The following SPDYE3 variants were observed in gnomAD, a reference collection of about 807,000 sequenced individuals.
The protein encoded by SPDYE3 is speedy/RINGO cell cycle regulator family member E3.
SPDYE3 carries 15 observed loss-of-function variants against 55.0 expected under a neutral mutation model. The ratio of observed to expected loss-of-function variants is 0.27; its 90% confidence interval spans 0.18 to 0.42. The LOEUF (loss-of-function observed/expected upper bound fraction) is 0.42. Ranked by LOEUF, SPDYE3 falls within the 10% of genes least tolerant of loss-of-function variation. The pLI is 1.00. For synonymous variants in SPDYE3, 89 were observed against 229.9 expected, an observed-to-expected ratio of 0.39 and a Z score of 5.55; for missense variants, 236 against 576.7, an observed-to-expected ratio of 0.41 and a Z score of 6.05.
At chr7:100,316,190 C>T (rs1322110095) in intron 7 of SPDYE3, among the ~76,000 whole-genome samples, 1 of 152,086 alleles carries the variant, frequency 6.6e-6, no homozygotes, top group Non-Finnish European at 1.5e-5. Context: ...AGATTGGTCC[C>T]GAACACCTGA....
Position 100,315,883 on chromosome 7 carries a change from G to A in SPDYE3, c.1260+40G>A, listed in dbSNP as rs577952816. On this transcript the variant is annotated intron_variant, in intron 7 of 10. Transcript: ENST00000332397. ...TATGTAACTGTGTTCCTGTTCTAAC[G>A]CACGGCCAGGGGGAGGGCGCAGCTT... The A allele has an allele frequency of 3.1e-5, 49 of 1,598,220 alleles. No homozygotes were observed. The East Asian group carries it at 5.8e-4, about 19-fold the overall frequency.
At chr7:100,319,412 G>C (rs1475033461) in intron 8 of SPDYE3, among the ~76,000 whole-genome samples, 153 bp from the exon 9 acceptor site, 1 of 152,170 alleles carries the variant, frequency 6.6e-6, no homozygotes, top group African/African-American at 2.4e-5. Context: ...TCTCTGTCCA[G>C]CAGAGCCCTC....
In SPDYE3 at chr7:100,321,057, G is replaced by A. The variant is rs1585002484; in HGVS notation, c.*212G>A. 9 of 938,798 alleles carry A rather than the reference G, an allele frequency of 9.6e-6. No individual in the cohort carries two copies. The highest frequency in any genetic ancestry group is 1.4e-5 in the Non-Finnish European group (9 of 645,276). 58.2% of individuals were successfully genotyped at this position (938,798 alleles called of 1,614,324 possible). On this transcript the variant is annotated 3_prime_UTR_variant, in exon 11 of 11. Transcript: ENST00000332397. ...TGATCACGTTGTCCTCCAAGGAGCAGGGGTGGGGTGGGGTACTTCTAGGAG... is the reference window on the plus strand; with the variant it reads ...TGATCACGTTGTCCTCCAAGGAGCAAGGGTGGGGTGGGGTACTTCTAGGAG...
chr7:100,315,767 T>G lies in SPDYE3; in HGVS notation c.1202-18T>G. Reference sequence around the variant, plus strand: ...CCCTGTCCTGCTTCTCACGCTGACATCTGCTCTCTAATCACAGAGGATCCT... The same window carrying G: ...CCCTGTCCTGCTTCTCACGCTGACAGCTGCTCTCTAATCACAGAGGATCCT... On this transcript the variant is annotated intron_variant, in intron 6 of 10. Coordinates refer to ENST00000332397, the MANE Select transcript of SPDYE3 (RefSeq NM_001004351.5). The G allele has an allele frequency of 6.3e-7, 1 of 1,598,410 alleles. No individual in the cohort carries two copies. Among genetic ancestry groups the G allele is most frequent in the Non-Finnish European group, 8.5e-7 (1 of 1,179,720 alleles).
rs1211047563 is a variant in SPDYE3, at chr7:100,312,496, CAA to C, written c.763+546_763+547del. ...TGGGTGAGAGAGTGAGACGCTGTCT[CAA>C]AAAAAAAAAAAAAAAAAGAAGAAGA... On this transcript the variant is annotated intron_variant, in intron 4 of 10. Transcript: ENST00000332397. Among the ~76,000 whole-genome samples the C allele has an allele frequency of 3.3e-4, 18 of 54,444 alleles. 1 individual carries two copies. The highest frequency in any genetic ancestry group is 2.1e-4 in the Non-Finnish European group (6 of 28,118). 35.7% of individuals were successfully genotyped at this position (54,444 alleles called of 152,430 possible). A position where few individuals can be genotyped will look rare whatever the true frequency, so the allele number is the denominator to read the frequency against.
In SPDYE3 at chr7:100,315,637, G is replaced by A. The variant is rs550306241; in HGVS notation, c.1202-148G>A. ...CAGGAGCCTCTCTCCCTTGCCCAGT[G>A]AAAGTCATTCTCCCCTCTCCCATCC... On this transcript the variant is annotated intron_variant, in intron 6 of 10. Transcript: ENST00000332397. 4.5e-4 allele frequency: 558 copies of A among 1,251,878 alleles called. No homozygotes were observed. The East Asian group carries it at 0.012, about 28-fold the overall frequency. The allele number at this position is 1,251,878 out of a possible 1,614,324, so 77.5% of individuals were successfully genotyped here. A position where few individuals can be genotyped will look rare whatever the true frequency, so the allele number is the denominator to read the frequency against.
In SPDYE3 at chr7:100,309,156, C is replaced by T; in HGVS notation, c.289C>T (p.Leu97Phe). 2.1e-6 allele frequency: 1 copy of T among 479,798 alleles called. No individual in the cohort carries two copies. Among genetic ancestry groups the T allele is most frequent in the Admixed American group, 4.5e-5 (1 of 22,182 alleles). The allele number at this position is 479,798 out of a possible 1,614,324, so 29.7% of individuals were successfully genotyped here. ...KAKRRRVSLV[L>F]PEYYEAFNRL... ...GAAGCGACGGCGAGTGTCGCTCGTGCTCCCTGAGTACTACGAGGCCTTCAA... is the reference window on the plus strand; with the variant it reads ...GAAGCGACGGCGAGTGTCGCTCGTGTTCCCTGAGTACTACGAGGCCTTCAA... The change falls in exon 2 of 11, where the codon CTC (leucine) becomes TTC (phenylalanine). Residue 97 changes from leucine (L) to phenylalanine (F), a missense_variant. By Grantham distance (22) the Leu-to-Phe change is conservative. Coordinates refer to ENST00000332397, the MANE Select transcript of SPDYE3 (RefSeq NM_001004351.5).
intron 5 of SPDYE3, among the ~76,000 whole-genome samples, chr7:100,313,836 G>A (rs1294159324): frequency 1.2e-4 from 3 of 26,044 alleles, no homozygotes; most frequent in African/African-American, 1.6e-4. Flanking sequence ...GCAGTGAGCC[G>A]AGATCGTGCT....
At chr7:100,315,549 C>A (rs1806083046) in intron 6 of SPDYE3, among the ~76,000 whole-genome samples, 1 of 152,124 alleles carries the variant, frequency 6.6e-6, no homozygotes, top group South Asian at 2.1e-4. Flanking sequence ...ATTCCCAGCT[C>A]TACATCCTGT....
rs697499 is a variant in SPDYE3, at chr7:100,310,143, C to G, written c.326-217C>G. On this transcript the variant is annotated intron_variant, in intron 2 of 10. Transcript: ENST00000332397. ...CCTCAGAGAGCCAGGGACCAGGGAACGATATGACGCAGTGTTCTGAGGACA... is the reference window on the plus strand; with the variant it reads ...CCTCAGAGAGCCAGGGACCAGGGAAGGATATGACGCAGTGTTCTGAGGACA... Among the ~76,000 whole-genome samples, 42 of 136,974 alleles carry G rather than the reference C, an allele frequency of 3.1e-4. 1 individual carries two copies. The highest frequency in any genetic ancestry group is 1.8e-3 in the East Asian group (9 of 5,012). 89.9% of individuals were successfully genotyped at this position (136,974 alleles called of 152,430 possible).
chr7:100,320,833 AC>A (rs1451204854), intron 10 of SPDYE3, 57 bp from the exon 11 acceptor site: 1 of 1,142,992 alleles, frequency 8.7e-7, no homozygotes. Context: ...GACGTGAATA[AC>A]CTTCCTGTCT....
chr7:100,309,987 C>G (rs892647602), intron 2 of SPDYE3, among the ~76,000 whole-genome samples: 1 of 138,526 alleles, frequency 7.2e-6, no homozygotes, highest in African/African-American at 2.6e-5. Flanking sequence ...TCCCAGCTAC[C>G]TGAGAGGCTG....
chr7:100,309,545 G>C (rs1321271991), intron 2 of SPDYE3, among the ~76,000 whole-genome samples: 1 of 140,134 alleles, frequency 7.1e-6, no homozygotes, highest in Non-Finnish European at 1.6e-5. Flanking sequence ...GAGTGACAGA[G>C]CAAAACTCTG....
chr7:100,316,513 G>C (rs1445032859), intron 7 of SPDYE3, among the ~76,000 whole-genome samples: 4 of 152,204 alleles, frequency 2.6e-5, no homozygotes, highest in Non-Finnish European at 5.9e-5. Flanking sequence ...TTCTCCAACT[G>C]TTGGGCTCAT....
At chr7:100,315,237 C>T (rs1456540595) in intron 6 of SPDYE3, among the ~76,000 whole-genome samples, 1 of 151,996 alleles carries the variant, frequency 6.6e-6, no homozygotes, top group Non-Finnish European at 1.5e-5. Flanking sequence ...CAAGATCAGG[C>T]CAATGCATTC....
chr7:100,307,726 G>A lies in SPDYE3; in HGVS notation c.-160G>A, dbSNP rs571873525. 8.4e-4 allele frequency: 1,168 copies of A among 1,395,452 alleles called. 1 individual carries two copies. The highest frequency in any genetic ancestry group is 1.0e-3 in the Non-Finnish European group (1,059 of 1,060,588). 86.4% of individuals were successfully genotyped at this position (1,395,452 alleles called of 1,614,324 possible). A position where few individuals can be genotyped will look rare whatever the true frequency, so the allele number is the denominator to read the frequency against. ...ACTCTGTCGGCGCCTGGCAGTTCAG[G>A]TGAACAACAGTAACTTCTCAGAGCT... On this transcript the variant is annotated 5_prime_UTR_variant, in exon 1 of 11. It adds an upstream start codon to the 5' untranslated region. Transcript: ENST00000332397.
At position 100,319,961 on chromosome 7, in the gene SPDYE3, TGGGCGCGAG is replaced by T. The variant is rs1789538851; in HGVS notation, c.1622_1630del (p.Trp541_Asp544delinsTyr). 1 of 1,595,212 alleles carries T rather than the reference TGGGCGCGAG, an allele frequency of 6.3e-7. No homozygotes were observed. Among genetic ancestry groups the T allele is most frequent in the Non-Finnish European group, 8.5e-7 (1 of 1,171,490 alleles). On this transcript the variant is annotated inframe_deletion, in exon 10 of 11. Coordinates refer to ENST00000332397, the MANE Select transcript of SPDYE3 (RefSeq NM_001004351.5). ...GGCTTATGACCCAGAGCACTGGGTG[TGGGCGCGAG>T]ATCGCGCCCACCTTTCCTAGAGCTC...
At chr7:100,315,219 C>G (rs1415089351) in intron 6 of SPDYE3, among the ~76,000 whole-genome samples, 4 of 152,190 alleles carry the variant, frequency 2.6e-5, no homozygotes, top group Non-Finnish European at 5.9e-5. Flanking sequence ...GCAGAGGTTG[C>G]AGTGAGCCAA....
chr7:100,318,317 C>T (rs946743505), intron 8 of SPDYE3, among the ~76,000 whole-genome samples: 11 of 152,170 alleles, frequency 7.2e-5, no homozygotes, highest in African/African-American at 2.4e-4. Context: ...ACCTGAACAA[C>T]TTCCTTAGCT....
Sources: allele counts gnomAD v4.1 joint callset (sites outside exome capture counted in the v4.1 genomes callset), GRCh38; gene constraint gnomAD v4.1.1; transcripts MANE v1.5; gene names NCBI Gene and HGNC (gene_info 2026-07-23, HGNC 2026-07-21).